PTPRO: variants seen among roughly 807,000 people sequenced by gnomAD.
PTPRO encodes protein tyrosine phosphatase receptor type O.
Under a neutral mutation model 145.2 loss-of-function variants are expected in PTPRO, and 62 were observed. The observed-to-expected ratio is 0.43, with a 90% CI of 0.35 to 0.53. The LOEUF (loss-of-function observed/expected upper bound fraction) is 0.53. Among genes scored for constraint, PTPRO ranks in the 20% least tolerant of loss-of-function variants. The pLI is 0.01. For missense variants in PTPRO, 1,345 were observed against 1,482.7 expected, an observed-to-expected ratio of 0.91 and a Z score of 1.53; for synonymous variants, 565 against 514.7, an observed-to-expected ratio of 1.10 and a Z score of -1.32.
chr12:15,568,082 T>C (rs1243484075), intron 18 of PTPRO, among the ~76,000 whole-genome samples: 1 of 152,200 alleles, frequency 6.6e-6, no homozygotes, highest in African/African-American at 2.4e-5. Context: ...GATTAGCTAA[T>C]CAACAACTTT....
intron 1 of PTPRO, among the ~76,000 whole-genome samples, chr12:15,469,768 C>CCAAAAA (rs763723552): frequency 1.8e-5 from 2 of 110,402 alleles, no homozygotes; most frequent in Non-Finnish European, 1.9e-5. Flanking sequence ...AGTGTCCTGA[C>CCAAAAA]AAAAAAAAAA....
chr12:15,479,277 G>A (rs1391621102), intron 1 of PTPRO, among the ~76,000 whole-genome samples: 1 of 152,150 alleles, frequency 6.6e-6, no homozygotes, highest in East Asian at 1.9e-4. Flanking sequence ...CTCTAGAGGG[G>A]CACTCAAACC....
chr12:15,465,524 G>C (rs1173004248), intron 1 of PTPRO, among the ~76,000 whole-genome samples: 2 of 152,184 alleles, frequency 1.3e-5, no homozygotes, highest in African/African-American at 4.8e-5. Flanking sequence ...CCAATTAGTA[G>C]AGTTGTATGT....
At chr12:15,565,504 T>C in intron 17 of PTPRO, 89 bp from the exon 18 acceptor site, 2 of 845,810 alleles carry the variant, frequency 2.4e-6, no homozygotes, top group Admixed American at 2.0e-5. Flanking sequence ...AGGTACCTGA[T>C]GTAATTATTT....
intron 1 of PTPRO, among the ~76,000 whole-genome samples, chr12:15,458,766 T>A (rs1941237647): frequency 6.6e-6 from 1 of 152,064 alleles, no homozygotes; most frequent in Admixed American, 6.6e-5. Context: ...ATTGACCTCA[T>A]TGAGCATCTT....
chr12:15,332,856 G>C (rs143991073), intron 1 of PTPRO, among the ~76,000 whole-genome samples: 5 of 152,224 alleles, frequency 3.3e-5, no homozygotes, highest in African/African-American at 1.2e-4. Flanking sequence ...CTTTAGTAGA[G>C]CACTATATAG....
chr12:15,374,546 A>G (rs1420671433), intron 1 of PTPRO, among the ~76,000 whole-genome samples: 1 of 152,104 alleles, frequency 6.6e-6, no homozygotes, highest in Non-Finnish European at 1.5e-5. Flanking sequence ...GGGCAGTCCA[A>G]TTTTGGAACT....
chr12:15,499,092 T>C (rs1942165808), intron 3 of PTPRO, among the ~76,000 whole-genome samples: 3 of 152,292 alleles, frequency 2.0e-5, no homozygotes, highest in South Asian at 2.1e-4. Context: ...GGTGGCAAAA[T>C]ACCTTGGATT....
intron 25 of PTPRO, among the ~76,000 whole-genome samples, chr12:15,593,493 CATATT>C (rs1273095848): frequency 1.3e-5 from 2 of 152,116 alleles, no homozygotes; most frequent in East Asian, 3.8e-4. Flanking sequence ...TGATTGTGCT[CATATT>C]ATATGTATGT....
intron 12 of PTPRO, among the ~76,000 whole-genome samples, chr12:15,527,157 A>C (rs1461816431): frequency 6.6e-6 from 1 of 152,222 alleles, no homozygotes; most frequent in African/African-American, 2.4e-5. Context: ...CACCAGCAAC[A>C]ACCCAGAACT....
At chr12:15,518,245 AGCC>A (rs1430052868) in intron 9 of PTPRO, among the ~76,000 whole-genome samples, 1 of 152,080 alleles carries the variant, frequency 6.6e-6, no homozygotes, top group African/African-American at 2.4e-5. Flanking sequence ...CACCCTCTGA[AGCC>A]ACCACCTGAT....
rs192603269 is a variant in PTPRO at position 15,415,558 on chromosome 12, G to A, written c.76-68416G>A. Among the ~76,000 whole-genome samples, 613 of 147,916 alleles carry A rather than the reference G, an allele frequency of 4.1e-3. 2 individuals are homozygous for A. Among genetic ancestry groups the A allele is most frequent in the Non-Finnish European group, 5.9e-3 (402 of 67,916 alleles). ...TGCCACCACACCCGGCTAATTTTTT[G>A]TATTTTTAGTAGAGACGGGGTTTCA... On this transcript the variant is annotated intron_variant, in intron 1 of 26. Transcript: ENST00000281171.
At chr12:15,403,086 T>C (rs1028066412) in intron 1 of PTPRO, among the ~76,000 whole-genome samples, 6 of 152,226 alleles carry the variant, frequency 3.9e-5, no homozygotes, top group Admixed American at 1.3e-4. Flanking sequence ...AGAGTTTATA[T>C]CTGATTTGAC....
intron 1 of PTPRO, among the ~76,000 whole-genome samples, chr12:15,409,944 T>C (rs1364679292): frequency 6.6e-6 from 1 of 152,188 alleles, no homozygotes; most frequent in East Asian, 1.9e-4. Flanking sequence ...GGAACACAGA[T>C]GCAAACTATG....
intron 1 of PTPRO, among the ~76,000 whole-genome samples, chr12:15,391,091 C>T (rs1037636018): frequency 6.6e-6 from 1 of 152,094 alleles, no homozygotes; most frequent in Non-Finnish European, 1.5e-5. Flanking sequence ...TTCTAAAGGC[C>T]CCAGTTCCAA....
intron 1 of PTPRO, among the ~76,000 whole-genome samples, chr12:15,400,879 T>C (rs1298267541): frequency 6.6e-6 from 1 of 152,232 alleles, no homozygotes; most frequent in African/African-American, 2.4e-5. Context: ...TCTTATTCAC[T>C]GATGCATCCC....
chr12:15,413,110 A>G (rs1442962294), intron 1 of PTPRO, among the ~76,000 whole-genome samples: 2 of 151,884 alleles, frequency 1.3e-5, no homozygotes, highest in African/African-American at 2.4e-5. Flanking sequence ...TGTTTTTTTG[A>G]GACAGGGTCT....
intron 1 of PTPRO, among the ~76,000 whole-genome samples, chr12:15,413,141 A>G (rs1276158274): frequency 6.6e-6 from 1 of 152,008 alleles, no homozygotes; most frequent in Non-Finnish European, 1.5e-5. Flanking sequence ...CCCAGGCTGG[A>G]ATGCAGTGGC....
intron 12 of PTPRO, among the ~76,000 whole-genome samples, chr12:15,538,784 A>T (rs1043569628): frequency 6.6e-6 from 1 of 152,202 alleles, no homozygotes; most frequent in Non-Finnish European, 1.5e-5. Context: ...GATTGGGAGG[A>T]AAACAGGTGT....
Sources: gnomAD v4.1 joint callset for allele counts (sites outside exome capture counted in the v4.1 genomes callset) on GRCh38, gnomAD v4.1.1 for gene constraint, MANE v1.5 for transcripts, NCBI Gene and HGNC (gene_info 2026-07-23, HGNC 2026-07-21) for gene names.